CSGALNACT1: variants seen among roughly 807,000 people sequenced by gnomAD.
CSGALNACT1 encodes the protein beta4GalNAcT-1.
CSGALNACT1 carries 52 observed loss-of-function variants against 51.0 expected under a neutral mutation model. The observed-to-expected ratio is 1.02, with a 90% CI of 0.82 to 1.29. CSGALNACT1 has a LOEUF of 1.29. Among genes scored for constraint, CSGALNACT1 ranks in the 50% most tolerant of loss-of-function variants. The probability of loss-of-function intolerance (pLI) is 0.00; values close to 1 mark genes in which losing one functional copy is unlikely to be tolerated. For synonymous variants in CSGALNACT1, 341 were observed against 254.4 expected (o/e 1.34, Z -3.24); for missense variants, 935 against 679.2 (o/e 1.38, Z -4.19).
At position 19,461,851 on chromosome 8, in the gene CSGALNACT1, C is replaced by A. The variant is rs1275972765; in HGVS notation, c.635-3209G>T. ...CATGGAGGGTGTATCTGCACAGCAG[C>A]CACATTCACCATGGAGGGCGTATCC... On this transcript the variant is annotated intron_variant, in intron 4 of 9. Coordinates refer to ENST00000454498, the Ensembl canonical transcript of CSGALNACT1. Among the ~76,000 whole-genome samples, 345 of 151,088 alleles carry A rather than the reference C, an allele frequency of 2.3e-3. 40 individuals carry two copies. The highest frequency in any genetic ancestry group is 5.9e-3 in the East Asian group (30 of 5,068).
At chr8:19,519,133 G>A (rs1400911372) in intron 3 of CSGALNACT1, among the ~76,000 whole-genome samples, 1 of 152,130 alleles carries the variant, frequency 6.6e-6, no homozygotes, top group Admixed American at 6.6e-5. Context: ...AAAAGATACA[G>A]GTAAAAGTGT....
At chr8:19,561,156 G>C (rs1338779522) in intron 3 of CSGALNACT1, among the ~76,000 whole-genome samples, 1 of 152,130 alleles carries the variant, frequency 6.6e-6, no homozygotes, top group Non-Finnish European at 1.5e-5. Context: ...AGAAGACTAG[G>C]TGTCTGTGGG....
intron 3 of CSGALNACT1, among the ~76,000 whole-genome samples, chr8:19,563,074 A>T (rs1266258184): frequency 6.6e-6 from 1 of 152,342 alleles, no homozygotes; most frequent in Non-Finnish European, 1.5e-5. Flanking sequence ...TGGTACATAC[A>T]CACCATGGAA....
intron 4 of CSGALNACT1, among the ~76,000 whole-genome samples, chr8:19,481,612 C>G (rs1179792332): frequency 1.3e-5 from 2 of 152,130 alleles, no homozygotes; most frequent in Non-Finnish European, 2.9e-5. Flanking sequence ...AAGTCCCAAA[C>G]TGGAGATAAG....
At chr8:19,416,811 G>C (rs763014618) in intron 8 of CSGALNACT1, among the ~76,000 whole-genome samples, 1 of 152,024 alleles carries the variant, frequency 6.6e-6, no homozygotes, top group African/African-American at 2.4e-5. Context: ...ATTGCCTGAC[G>C]ATACATGACA....
intron 1 of CSGALNACT1, among the ~76,000 whole-genome samples, chr8:19,710,923 T>C (rs554710029): frequency 2.3e-5 from 3 of 131,846 alleles, no homozygotes; most frequent in African/African-American, 8.0e-5. Flanking sequence ...TCCTCTCTGA[T>C]TTTTTTTTTC....
intron 3 of CSGALNACT1, among the ~76,000 whole-genome samples, chr8:19,559,217 A>G (rs372935860): frequency 6.6e-6 from 1 of 152,324 alleles, no homozygotes; most frequent in Middle Eastern, 3.4e-3. Context: ...CCAGTAATAT[A>G]TATCATGACC....
intron 1 of CSGALNACT1, among the ~76,000 whole-genome samples, chr8:19,706,645 C>A (rs1470438847): frequency 3.9e-5 from 6 of 152,138 alleles, no homozygotes. Context: ...GGGATACCTA[C>A]CAGAGCATCT....
At chr8:19,621,063 T>C (rs1404870186) in intron 1 of CSGALNACT1, among the ~76,000 whole-genome samples, 1 of 152,228 alleles carries the variant, frequency 6.6e-6, no homozygotes, top group Non-Finnish European at 1.5e-5. Context: ...ACAACTAGTC[T>C]GAGTTCTTTA....
chr8:19,512,899 T>C (rs1210319538), intron 3 of CSGALNACT1, among the ~76,000 whole-genome samples: 2 of 152,188 alleles, frequency 1.3e-5, no homozygotes, highest in East Asian at 3.8e-4. Context: ...TGGTGTGTTG[T>C]GTAGAAGTAG....
chr8:19,505,683 G>A, exon 4 of CSGALNACT1: 1 of 1,614,146 alleles, frequency 6.2e-7, no homozygotes. Context: ...CTTCCCCGTG[G>A]GGCTGTTGGC....
At chr8:19,649,330 G>A (rs543029960) in intron 1 of CSGALNACT1, among the ~76,000 whole-genome samples, 1 of 152,032 alleles carries the variant, frequency 6.6e-6, no homozygotes, top group South Asian at 2.1e-4. Flanking sequence ...TCTAAGGAAG[G>A]GACTGCTTGG....
intron 1 of CSGALNACT1, among the ~76,000 whole-genome samples, chr8:19,704,010 C>A (rs370306713): frequency 6.6e-6 from 1 of 152,100 alleles, no homozygotes; most frequent in Admixed American, 6.5e-5. Context: ...TCTTCCAGCC[C>A]CACTCAGTAA....
intron 6 of CSGALNACT1, among the ~76,000 whole-genome samples, chr8:19,428,823 A>ATG (rs1491349164): frequency 4.5e-4 from 23 of 51,248 alleles, no homozygotes; most frequent in Non-Finnish European, 7.7e-4. Context: ...ATAAGACATG[A>ATG]TATGTGTGTG....
At chr8:19,718,359 C>A (rs2062931263) in intron 1 of CSGALNACT1, among the ~76,000 whole-genome samples, 1 of 152,198 alleles carries the variant, frequency 6.6e-6, no homozygotes, top group African/African-American at 2.4e-5. Context: ...ACCTCAGCCT[C>A]CCAAAGTGCT....
intron 1 of CSGALNACT1, among the ~76,000 whole-genome samples, chr8:19,658,806 C>T (rs1328637747): frequency 6.6e-6 from 1 of 152,170 alleles, no homozygotes; most frequent in Non-Finnish European, 1.5e-5. Flanking sequence ...TTTTCATTAG[C>T]TATGACATTC....
At chr8:19,573,619 T>C (rs1280496511) in intron 3 of CSGALNACT1, among the ~76,000 whole-genome samples, 1 of 152,136 alleles carries the variant, frequency 6.6e-6, no homozygotes, top group East Asian at 1.9e-4. Context: ...AATTTTTGTA[T>C]TTTTAGTAGA....
At chr8:19,657,433 A>T (rs369993433) in intron 1 of CSGALNACT1, among the ~76,000 whole-genome samples, 4 of 152,220 alleles carry the variant, frequency 2.6e-5, no homozygotes, top group East Asian at 1.9e-4. Flanking sequence ...TTGACAAAAA[A>T]CATCAATCTA....
At chr8:19,406,167 G>T (rs148736824) in intron 9 of CSGALNACT1, 98 bp from the exon 9 acceptor site, 7 of 1,369,398 alleles carry the variant, frequency 5.1e-6, no homozygotes, top group Non-Finnish European at 7.3e-6. Context: ...ACATGACTGG[G>T]GGGGATGCGT....
Sources: gnomAD v4.1 joint callset for allele counts (sites outside exome capture counted in the v4.1 genomes callset) on GRCh38, gnomAD v4.1.1 for gene constraint, MANE v1.5 for transcripts, NCBI Gene and HGNC (gene_info 2026-07-23, HGNC 2026-07-21) for gene names.